The following NAALADL2 variants were observed in gnomAD, a reference collection of about 807,000 sequenced individuals.
NAALADL2 encodes the protein inactive N-acetylated-alpha-linked acidic dipeptidase-like protein 2.
Under a neutral mutation model 87.2 loss-of-function variants are expected in NAALADL2, and 76 were observed. That is an observed-to-expected ratio of 0.87 (90% confidence interval 0.72 to 1.05). The LOEUF (loss-of-function observed/expected upper bound fraction) is 1.05, where lower values mean the gene tolerates loss of function less well. Among genes scored for constraint, NAALADL2 ranks in the 50% least tolerant of loss-of-function variants. The pLI is 0.00. For synonymous variants in NAALADL2, 354 were observed against 331.0 expected, an observed-to-expected ratio of 1.07 and a Z score of -0.75; for missense variants, 1,089 against 945.8, an observed-to-expected ratio of 1.15 and a Z score of -1.99.
chr3:175,343,655 GTTTT>G (rs113806607), intron 5 of NAALADL2, among the ~76,000 whole-genome samples: 1 of 64,722 alleles, frequency 1.5e-5, no homozygotes, highest in African/African-American at 4.6e-5. Flanking sequence ...TCTTGATCAT[GTTTT>G]TTTTTTTTTT....
chr3:175,647,645 C>T (rs968007010), intron 11 of NAALADL2, among the ~76,000 whole-genome samples: 4 of 152,054 alleles, frequency 2.6e-5, no homozygotes, highest in Non-Finnish European at 4.4e-5. Flanking sequence ...GATGTATTTG[C>T]TACTTAAGCT....
intron 4 of NAALADL2, among the ~76,000 whole-genome samples, chr3:175,292,457 T>C (rs1489345662): frequency 6.6e-6 from 1 of 152,184 alleles, no homozygotes; most frequent in East Asian, 1.9e-4. Context: ...CCATTTTTTA[T>C]CTTGGTATAT....
chr3:175,605,312 G>A (rs1305691988), intron 10 of NAALADL2, among the ~76,000 whole-genome samples: 1 of 151,982 alleles, frequency 6.6e-6, no homozygotes, highest in Non-Finnish European at 1.5e-5. Context: ...GTTAATGTTT[G>A]CTCAAATCTA....
intron 1 of NAALADL2, among the ~76,000 whole-genome samples, chr3:174,865,511 C>G (rs1243398099): frequency 6.6e-6 from 1 of 151,856 alleles, no homozygotes; most frequent in Non-Finnish European, 1.5e-5. Context: ...TATTTATGAC[C>G]TTTAATGCAA....
chr3:174,984,939 T>C (rs1467405553), intron 1 of NAALADL2, among the ~76,000 whole-genome samples: 3 of 152,190 alleles, frequency 2.0e-5, no homozygotes, highest in Non-Finnish European at 2.9e-5. Flanking sequence ...TCAGAAAATA[T>C]TTAGATATGT....
intron 1 of NAALADL2, among the ~76,000 whole-genome samples, chr3:174,541,445 G>A (rs1050978408): frequency 6.6e-6 from 1 of 152,054 alleles, no homozygotes; most frequent in African/African-American, 2.4e-5. Context: ...GAAAGGTGAT[G>A]GTTAAATAAC....
intron 5 of NAALADL2, among the ~76,000 whole-genome samples, chr3:175,398,625 G>T (rs1048619398): frequency 8.6e-5 from 13 of 151,872 alleles, no homozygotes; most frequent in African/African-American, 3.1e-4. Flanking sequence ...GACACTTAAA[G>T]GTATTGATAA....
chr3:175,037,862 T>A (rs1205972662), intron 1 of NAALADL2, among the ~76,000 whole-genome samples: 2 of 152,062 alleles, frequency 1.3e-5, no homozygotes, highest in African/African-American at 4.8e-5. Flanking sequence ...GCCCCTTAGG[T>A]GCTAGACAGA....
intron 4 of NAALADL2, among the ~76,000 whole-genome samples, chr3:175,311,106 C>T (rs547187317): frequency 2.0e-5 from 3 of 152,152 alleles, no homozygotes; most frequent in African/African-American, 7.2e-5. Flanking sequence ...AGTTTATAAG[C>T]ACCTTAACTG....
chr3:175,379,088 T>G (rs1024747947), intron 5 of NAALADL2, among the ~76,000 whole-genome samples: 15 of 152,150 alleles, frequency 9.9e-5, no homozygotes. Flanking sequence ...TCTTTGTGAT[T>G]AAGTGTGAAT....
At chr3:175,759,633 G>A (rs1453910927) in intron 13 of NAALADL2, among the ~76,000 whole-genome samples, 1 of 152,200 alleles carries the variant, frequency 6.6e-6, no homozygotes, top group South Asian at 2.1e-4. Flanking sequence ...TGGGATTACA[G>A]GCGTGAGCCA....
chr3:174,682,489 G>T (rs993864984), intron 2 of NAALADL2, among the ~76,000 whole-genome samples: 2 of 152,190 alleles, frequency 1.3e-5, no homozygotes, highest in African/African-American at 4.8e-5. Flanking sequence ...ACACAGTGCA[G>T]TCCCAGTTGT....
intron 11 of NAALADL2, among the ~76,000 whole-genome samples, chr3:175,647,271 A>G (rs73881335): frequency 0.01 from 1,540 of 152,200 alleles, 26 homozygotes; most frequent in African/African-American, 0.035. Flanking sequence ...GGTAATTGAC[A>G]ATTTTTGCCA....
At chr3:175,320,874 C>G (rs1016075072) in intron 4 of NAALADL2, among the ~76,000 whole-genome samples, 2 of 146,966 alleles carry the variant, frequency 1.4e-5, no homozygotes, top group Non-Finnish European at 3.0e-5. Context: ...AGTCCAGGAC[C>G]AGATGGATTC....
intron 11 of NAALADL2, among the ~76,000 whole-genome samples, chr3:175,656,631 A>G (rs1731498409): frequency 6.6e-6 from 1 of 152,146 alleles, no homozygotes; most frequent in Admixed American, 6.6e-5. Context: ...AGAACTACTA[A>G]GTGGAACATG....
intron 11 of NAALADL2, among the ~76,000 whole-genome samples, chr3:175,654,934 T>G (rs1731249606): frequency 1.7e-5 from 2 of 115,496 alleles, no homozygotes; most frequent in South Asian, 4.8e-4. Context: ...CAAGATATCT[T>G]TTTTTTTTTT....
At chr3:175,265,051 G>C (rs1026143126) in intron 4 of NAALADL2, among the ~76,000 whole-genome samples, 1 of 151,484 alleles carries the variant, frequency 6.6e-6, no homozygotes, top group African/African-American at 2.4e-5. Flanking sequence ...AAAGTCAGCT[G>C]ACATTTAATT....
chr3:174,539,839 A>C (rs1440854840), intron 1 of NAALADL2, among the ~76,000 whole-genome samples: 2 of 152,134 alleles, frequency 1.3e-5, no homozygotes, highest in East Asian at 3.9e-4. Context: ...GCTATATAGA[A>C]TATTCAAGCA....
At chr3:175,698,492 T>TATATATATAA (rs1738487481) in intron 11 of NAALADL2, among the ~76,000 whole-genome samples, 1 of 139,402 alleles carries the variant, frequency 7.2e-6, no homozygotes, top group Non-Finnish European at 1.5e-5. Flanking sequence ...TTTATATATA[T>TATATATATAA]ATATATATAT....
Sources: allele counts gnomAD v4.1 joint callset (sites outside exome capture counted in the v4.1 genomes callset), GRCh38; gene constraint gnomAD v4.1.1; transcripts MANE v1.5; gene names NCBI Gene and HGNC (gene_info 2026-07-23, HGNC 2026-07-21).